Variants in NEK1 observed in about 807,000 individuals in gnomAD.
NEK1 encodes the protein NIMA related kinase 1.
A neutral mutation model predicts 182.1 loss-of-function variants in NEK1; 137 were observed. The observed-to-expected ratio is 0.75, with a 90% CI of 0.65 to 0.87. NEK1 has a LOEUF of 0.87. Among genes scored for constraint, NEK1 ranks in the 40% least tolerant of loss-of-function variants. NEK1 has a pLI of 0.00. For missense variants in NEK1, 1,391 were observed against 1,494.4 expected, an observed-to-expected ratio of 0.93 and a Z score of 1.14; for synonymous variants, 513 against 492.2, an observed-to-expected ratio of 1.04 and a Z score of -0.56.
intron 12 of NEK1, among the ~76,000 whole-genome samples, chr4:169,573,651 T>G (rs1474435770): frequency 1.3e-5 from 2 of 150,054 alleles, no homozygotes; most frequent in African/African-American, 2.5e-5. Flanking sequence ...ATAAAGGAAG[T>G]TATTAGGATT....
chr4:169,587,564 G>T lies in NEK1; in HGVS notation c.601C>A (p.His201Asn). The stretch of plus-strand genomic sequence containing the variant: ...TTTCAGAAACTTCTACTTACAGCAT[G>T]TTTAAGTGTACACAGCTCATAAAGG... ...CVLYELCTLKHAFEAGSMKNL... is the reference protein window; with the variant it reads ...CVLYELCTLKNAFEAGSMKNL... Residue 201 changes from histidine to asparagine, a missense_variant, in exon 9 of 36, where the codon CAT becomes AAT. His to Asn is a moderately conservative substitution (Grantham distance 68). Transcript: ENST00000507142. 1 of 1,502,074 alleles carries T rather than the reference G, an allele frequency of 6.7e-7. No homozygotes were observed. Among genetic ancestry groups the T allele is most frequent in the Non-Finnish European group, 9.0e-7 (1 of 1,114,132 alleles). The allele number at this position is 1,502,074 out of a possible 1,614,324, so 93.0% of individuals were successfully genotyped here. A position where few individuals can be genotyped will look rare whatever the true frequency, so the allele number is the denominator to read the frequency against.
At chr4:169,438,296 C>T in intron 27 of NEK1, 37 bp from the exon 28 acceptor site, 3 of 1,464,284 alleles carry the variant, frequency 2.0e-6, no homozygotes, top group South Asian at 2.7e-5. Context: ...TGCTAGTTCT[C>T]AAAATGATGC....
chr4:169,459,378 C>G (rs1743521329), intron 27 of NEK1, among the ~76,000 whole-genome samples: 1 of 152,176 alleles, frequency 6.6e-6, no homozygotes, highest in Non-Finnish European at 1.5e-5. Flanking sequence ...ATCCAAAACA[C>G]TGACAACACC....
chr4:169,476,374 A>G (rs938302449), intron 26 of NEK1, among the ~76,000 whole-genome samples: 1 of 152,132 alleles, frequency 6.6e-6, no homozygotes, highest in Non-Finnish European at 1.5e-5. Flanking sequence ...CCTTTCCACT[A>G]GACCTTAAGC....
intron 32 of NEK1, among the ~76,000 whole-genome samples, chr4:169,402,206 G>A (rs1254369338): frequency 6.6e-6 from 1 of 152,134 alleles, no homozygotes; most frequent in African/African-American, 2.4e-5. Context: ...ATTTTAACAG[G>A]CCAGACTATA....
chr4:169,416,715 G>A (rs1464905797), intron 31 of NEK1, among the ~76,000 whole-genome samples: 8 of 152,112 alleles, frequency 5.3e-5, no homozygotes, highest in Admixed American at 5.2e-4. Flanking sequence ...GACCAGTCTG[G>A]GCAACATAAC....
chr4:169,508,129 C>G (rs767592178), intron 21 of NEK1, 119 bp downstream of exon 21: 6 of 837,266 alleles, frequency 7.2e-6, no homozygotes, highest in African/African-American at 5.4e-5. Flanking sequence ...GATCTTTGAA[C>G]TTCCACTGTC....
In NEK1 at chr4:169,416,088, C is replaced by T. The variant is rs539190848; in HGVS notation, c.3222+8465G>A. Among the ~76,000 whole-genome samples the T allele has an allele frequency of 7.9e-5, 12 of 152,294 alleles. No individual in the cohort carries two copies. The South Asian group carries it at 2.3e-3, about 29-fold the overall frequency. On this transcript the variant is annotated intron_variant, in intron 31 of 35. Transcript: ENST00000507142. ...GGAAAAGATCCCACAGATTCGAAAA[C>T]TAAGGACATCTGCTTAAGGACAAGA...
At chr4:169,514,352 G>C (rs760107273) in intron 19 of NEK1, among the ~76,000 whole-genome samples, 6 of 152,034 alleles carry the variant, frequency 3.9e-5, no homozygotes, top group East Asian at 3.9e-4. Context: ...TGCTGTCTTT[G>C]GTTATGGTAT....
intron 31 of NEK1, among the ~76,000 whole-genome samples, chr4:169,420,578 T>C (rs1244215512): frequency 5.3e-5 from 8 of 152,184 alleles, no homozygotes; most frequent in Non-Finnish European, 1.2e-4. Flanking sequence ...ATTATAATCT[T>C]ATGGGACCAC....
At chr4:169,487,103 T>G (rs147381908) in intron 23 of NEK1, among the ~76,000 whole-genome samples, 22 of 152,222 alleles carry the variant, frequency 1.4e-4, no homozygotes, top group African/African-American at 4.1e-4. Flanking sequence ...AAGAGAAAAT[T>G]TTATAAAATT....
chr4:169,530,719 G>A (rs577997942), intron 19 of NEK1, among the ~76,000 whole-genome samples: 3 of 151,408 alleles, frequency 2.0e-5, no homozygotes, highest in African/African-American at 4.9e-5. Flanking sequence ...GGGGTAGAAC[G>A]AGAGATGTGA....
chr4:169,573,929 G>A (rs1765273326), intron 12 of NEK1, among the ~76,000 whole-genome samples: 1 of 152,014 alleles, frequency 6.6e-6, no homozygotes, highest in African/African-American at 2.4e-5. Context: ...GGGCAGCCAA[G>A]GCAAGAGCAT....
At position 169,506,476 on chromosome 4, in the gene NEK1, C is replaced by T. The variant is rs548833852; in HGVS notation, c.2007+561G>A. Among the ~76,000 whole-genome samples, 7 of 152,078 alleles carry T rather than the reference C, an allele frequency of 4.6e-5. No individual in the cohort carries two copies. In the South Asian group the frequency reaches 8.3e-4, roughly 18 times the overall value. ...AAAAATTTTAAAATAAAGTAAGGGC[C>T]GGGCGTGGTGGCTCATGCCTGTAAT... On this transcript the variant is annotated intron_variant, in intron 23 of 35. Coordinates refer to ENST00000507142, the MANE Select transcript of NEK1 (RefSeq NM_001199397.3).
chr4:169,448,799 A>T (rs2149458006), intron 27 of NEK1, among the ~76,000 whole-genome samples: 1 of 152,224 alleles, frequency 6.6e-6, no homozygotes, highest in Admixed American at 6.5e-5. Flanking sequence ...TCTCAATGGG[A>T]CTGGTTGGAC....
chr4:169,432,157 C>A (rs896362965), intron 29 of NEK1, among the ~76,000 whole-genome samples: 4 of 152,084 alleles, frequency 2.6e-5, no homozygotes, highest in Admixed American at 2.6e-4. Context: ...CTTACCTTTA[C>A]CTATCATAAG....
chr4:169,554,997 T>C (rs751867683), intron 18 of NEK1: 6 of 152,348 alleles, frequency 3.9e-5, no homozygotes, highest in Non-Finnish European at 8.8e-5. Flanking sequence ...ATATATATAC[T>C]AGAAAGATCA....
chr4:169,559,206 C>T (rs1762557436), intron 16 of NEK1, among the ~76,000 whole-genome samples: 1 of 152,086 alleles, frequency 6.6e-6, no homozygotes, highest in African/African-American at 2.4e-5. Flanking sequence ...TAGGAAAAAG[C>T]ACTTTATTAC....
At chr4:169,458,252 A>G (rs1056443565) in intron 27 of NEK1, among the ~76,000 whole-genome samples, 7 of 152,156 alleles carry the variant, frequency 4.6e-5, no homozygotes, top group Non-Finnish European at 7.4e-5. Context: ...GGCCCCATAC[A>G]GATATAGTCA....
Sources: allele counts gnomAD v4.1 joint callset (sites outside exome capture counted in the v4.1 genomes callset), GRCh38; gene constraint gnomAD v4.1.1; transcripts MANE v1.5; gene names NCBI Gene and HGNC (gene_info 2026-07-23, HGNC 2026-07-21).